YAF2: variants seen among roughly 807,000 people sequenced by gnomAD.
YAF2 encodes the protein YY1-associated factor 2.
Under a neutral mutation model 20.1 loss-of-function variants are expected in YAF2, and 7 were observed. That is an observed-to-expected ratio of 0.35 (90% CI 0.20 to 0.65). The LOEUF (loss-of-function observed/expected upper bound fraction) is 0.65. Among genes scored for constraint, YAF2 ranks in the 30% least tolerant of loss-of-function variants. The pLI is 0.69. For missense variants in YAF2, 151 were observed against 219.2 expected (o/e 0.69, Z 1.96); for synonymous variants, 74 against 76.0 (o/e 0.97, Z 0.14).
intron 2 of YAF2, chr12:42,233,156 T>C (rs2068033141): frequency 5.1e-6 from 5 of 985,330 alleles, no homozygotes; most frequent in Non-Finnish European, 6.0e-6. Context: ...ACCAAAATCA[T>C]ACTAGTGTAA....
At chr12:42,214,882 C>A (rs771895002) in intron 2 of YAF2, among the ~76,000 whole-genome samples, 1 of 151,816 alleles carries the variant, frequency 6.6e-6, no homozygotes, top group Non-Finnish European at 1.5e-5. Context: ...CAGGCGCCTG[C>A]GGTCCCAGCT....
chr12:42,217,508 T>C (rs2067389859), intron 2 of YAF2, among the ~76,000 whole-genome samples: 1 of 152,148 alleles, frequency 6.6e-6, no homozygotes, highest in Non-Finnish European at 1.5e-5. Context: ...ATCAGATATA[T>C]AATAAAGGGG....
chr12:42,185,348 T>C (rs2066445757), intron 2 of YAF2, among the ~76,000 whole-genome samples: 1 of 152,244 alleles, frequency 6.6e-6, no homozygotes, highest in Non-Finnish European at 1.5e-5. Context: ...CTGGTGAAGA[T>C]GCTGTGAACA....
Position 42,215,642 on chromosome 12 carries a change from G to T in YAF2, c.152+21957C>A, listed in dbSNP as rs79487077. Among the ~76,000 whole-genome samples, 139 of 152,170 alleles carry T rather than the reference G, an allele frequency of 9.1e-4. 2 individuals carry two copies. The East Asian group carries it at 0.023, about 25-fold the overall frequency. On this transcript the variant is annotated intron_variant, in intron 2 of 3. Coordinates refer to ENST00000534854, the MANE Select transcript of YAF2 (RefSeq NM_005748.6). ...GAGTTTTCAAAGCTACCATACAGTGGCAGGGCATGGTGGCTCACACCTATA... is the reference window on the plus strand; with the variant it reads ...GAGTTTTCAAAGCTACCATACAGTGTCAGGGCATGGTGGCTCACACCTATA...
intron 2 of YAF2, among the ~76,000 whole-genome samples, chr12:42,206,472 G>A (rs544071665): frequency 8.6e-5 from 13 of 152,004 alleles, no homozygotes; most frequent in East Asian, 7.7e-4. Flanking sequence ...AAGTGGACGC[G>A]GTGGTGCACA....
intron 2 of YAF2, among the ~76,000 whole-genome samples, chr12:42,226,614 T>A (rs189158576): frequency 1.8e-4 from 28 of 152,180 alleles, no homozygotes; most frequent in African/African-American, 6.3e-4. Flanking sequence ...CAGTAAGCTA[T>A]ATCCACACCA....
In YAF2 at chr12:42,228,020, T is replaced by TG. The variant is rs1225433561; in HGVS notation, c.152+9578dup. ...CCAGCCGCCCCGTCCAGGAGGGAGG[T>TG]GGGGGGTCAGCCCTCCGCCCGGCCA... On this transcript the variant is annotated intron_variant, in intron 2 of 3. Transcript: ENST00000534854. 5.9e-3 allele frequency among the ~76,000 whole-genome samples: 479 copies of TG among 81,560 alleles called. 7 individuals are homozygous for TG. Among genetic ancestry groups the TG allele is most frequent in the African/African-American group, 0.022 (449 of 20,448 alleles). The allele number at this position is 81,560 out of a possible 152,430, so 53.5% of individuals were successfully genotyped here. A position where few individuals can be genotyped will look rare whatever the true frequency, so the allele number is the denominator to read the frequency against.
chr12:42,166,286 T>C (rs1198446597), intron 2 of YAF2, among the ~76,000 whole-genome samples: 1 of 152,234 alleles, frequency 6.6e-6, no homozygotes, highest in Admixed American at 6.5e-5. Flanking sequence ...TAGGATGCTT[T>C]ACTTTTGAAA....
intron 2 of YAF2, among the ~76,000 whole-genome samples, chr12:42,222,319 C>T (rs562017244): frequency 6.6e-6 from 1 of 152,308 alleles, no homozygotes; most frequent in Admixed American, 6.5e-5. Flanking sequence ...CTATATCTAA[C>T]CTTGAAGGAA....
At chr12:42,234,902 T>G in intron 2 of YAF2, 1 of 798,722 alleles carries the variant, frequency 1.3e-6, no homozygotes, top group Non-Finnish European at 1.5e-6. Context: ...GTGGGAGGAT[T>G]CCTTGAACCT....
At chr12:42,163,247 T>C (rs1447324982) in intron 2 of YAF2, among the ~76,000 whole-genome samples, 1 of 151,832 alleles carries the variant, frequency 6.6e-6, no homozygotes, top group Non-Finnish European at 1.5e-5. Context: ...GAGAGCAGAG[T>C]GGCAGAGTGA....
chr12:42,185,133 G>A (rs544082165), intron 2 of YAF2, among the ~76,000 whole-genome samples: 80 of 152,238 alleles, frequency 5.3e-4, no homozygotes, highest in African/African-American at 1.8e-3. Context: ...GGCCAAGATC[G>A]CGCCACTGCA....
At chr12:42,183,889 T>C (rs2066407175) in intron 2 of YAF2, among the ~76,000 whole-genome samples, 1 of 152,218 alleles carries the variant, frequency 6.6e-6, no homozygotes, top group South Asian at 2.1e-4. Flanking sequence ...GCTGACTCTC[T>C]TGTTAGGGGC....
At chr12:42,187,603 C>A (rs1273352045) in intron 2 of YAF2, among the ~76,000 whole-genome samples, 1 of 152,130 alleles carries the variant, frequency 6.6e-6, no homozygotes, top group African/African-American at 2.4e-5. Context: ...GAATTCAAAT[C>A]CTACTCTGAT....
chr12:42,224,134 A>T (rs1361074206), intron 2 of YAF2, among the ~76,000 whole-genome samples: 2 of 152,200 alleles, frequency 1.3e-5, no homozygotes, highest in African/African-American at 4.8e-5. Flanking sequence ...TGGAAAATCC[A>T]TTCTCAACTC....
intron 2 of YAF2, among the ~76,000 whole-genome samples, chr12:42,170,064 G>T (rs576741266): frequency 2.6e-5 from 4 of 151,578 alleles, no homozygotes; most frequent in African/African-American, 9.7e-5. Flanking sequence ...AGAGATGAGG[G>T]TCTCACAACG....
intron 2 of YAF2, 197 bp downstream of exon 2, chr12:42,237,402 G>A: frequency 7.8e-7 from 1 of 1,286,928 alleles, no homozygotes; most frequent in East Asian, 3.5e-5. Flanking sequence ...AAACGTTACA[G>A]CCTCTTCAAT....
At chr12:42,176,788 C>G (rs992605757) in intron 2 of YAF2, among the ~76,000 whole-genome samples, 5 of 151,972 alleles carry the variant, frequency 3.3e-5, no homozygotes, top group Non-Finnish European at 7.4e-5. Flanking sequence ...ATGGCGAAAC[C>G]CCGTCACCAC....
chr12:42,191,174 T>C (rs2066603256), intron 2 of YAF2, among the ~76,000 whole-genome samples: 1 of 152,194 alleles, frequency 6.6e-6, no homozygotes. Flanking sequence ...ATGTTTAAAG[T>C]ACTCCCATTA....
Sources: gnomAD v4.1 joint callset for allele counts (sites outside exome capture counted in the v4.1 genomes callset) on GRCh38, gnomAD v4.1.1 for gene constraint, MANE v1.5 for transcripts, NCBI Gene and HGNC (gene_info 2026-07-23, HGNC 2026-07-21) for gene names.